The following TMOD3 variants were observed in gnomAD, a reference collection of about 807,000 sequenced individuals.
The protein encoded by TMOD3 is tropomodulin 3, also known as tropomodulin-3.
Under a neutral mutation model 39.2 loss-of-function variants are expected in TMOD3, and 20 were observed. The ratio of observed to expected loss-of-function variants is 0.51; its 90% confidence interval spans 0.36 to 0.74. The LOEUF is 0.74. Ranked by LOEUF, TMOD3 falls within the 30% of genes least tolerant of loss-of-function variation. The pLI is 0.00. For synonymous variants in TMOD3, 143 were observed against 145.8 expected (o/e 0.98, Z 0.14); for missense variants, 381 against 412.8 (o/e 0.92, Z 0.67).
At chr15:51,881,550 CTTTTTTTTT>C (rs753814979) in intron 3 of TMOD3, among the ~76,000 whole-genome samples, 4 of 61,838 alleles carry the variant, frequency 6.5e-5, no homozygotes, top group African/African-American at 1.4e-4. Context: ...TTCTTTATTT[CTTTTTTTTT>C]TTTTTTTTTT....
chr15:51,863,211 A>G (rs923358719), intron 2 of TMOD3, among the ~76,000 whole-genome samples: 3 of 152,160 alleles, frequency 2.0e-5, no homozygotes, highest in Admixed American at 6.5e-5. Context: ...GTCCTAAACT[A>G]CTTCAGTATC....
chr15:51,889,286 C>A, intron 5 of TMOD3, 141 bp downstream of exon 5: 2 of 580,956 alleles, frequency 3.4e-6, no homozygotes, highest in Non-Finnish European at 6.1e-6. Context: ...TGGTATTAAC[C>A]AAGAAAGCCA....
chr15:51,906,552 A>G (rs1278848997), intron 9 of TMOD3, among the ~76,000 whole-genome samples: 1 of 152,218 alleles, frequency 6.6e-6, no homozygotes, highest in Non-Finnish European at 1.5e-5. Flanking sequence ...TTTGAGTCTC[A>G]CATTACTATC....
chr15:51,871,189 T>C (rs1263255212), intron 3 of TMOD3, among the ~76,000 whole-genome samples: 2 of 152,158 alleles, frequency 1.3e-5, no homozygotes, highest in Non-Finnish European at 2.9e-5. Flanking sequence ...CCCTCAGGTG[T>C]TTGGGGCCAG....
chr15:51,884,698 G>C (rs1376781822), intron 3 of TMOD3: 1 of 152,032 alleles, frequency 6.6e-6, no homozygotes, highest in East Asian at 1.9e-4. Context: ...TCCTGTTCTG[G>C]CTTTATTGTG....
intron 3 of TMOD3, among the ~76,000 whole-genome samples, chr15:51,873,637 T>G (rs778839769): frequency 5.9e-5 from 9 of 152,188 alleles, no homozygotes; most frequent in Non-Finnish European, 2.9e-5. Context: ...CTTTCCAAAT[T>G]ATATGCCAAA....
chr15:51,908,683 C>G, intron 9 of TMOD3, 93 bp from the exon 10 acceptor site: 1 of 798,600 alleles, frequency 1.3e-6, no homozygotes, highest in South Asian at 2.3e-5. Context: ...AAACTTATAA[C>G]TGGATTATGC....
intron 9 of TMOD3, among the ~76,000 whole-genome samples, chr15:51,904,422 A>C (rs542333855): frequency 6.6e-6 from 1 of 152,308 alleles, no homozygotes; most frequent in South Asian, 2.1e-4. Flanking sequence ...TAAGTGAATA[A>C]ATAAGTGGTA....
intron 9 of TMOD3, among the ~76,000 whole-genome samples, chr15:51,906,517 G>A (rs2056681554): frequency 6.6e-6 from 1 of 152,118 alleles, no homozygotes; most frequent in South Asian, 2.1e-4. Context: ...AGGTTCTATG[G>A]TATACATGCA....
chr15:51,855,152 C>G (rs1385606688), intron 1 of TMOD3, among the ~76,000 whole-genome samples: 1 of 152,204 alleles, frequency 6.6e-6, no homozygotes, highest in Non-Finnish European at 1.5e-5. Context: ...CCTTCGAAGA[C>G]TTTTGAGTTA....
At chr15:51,869,761 T>G (rs1490215877) in intron 3 of TMOD3, among the ~76,000 whole-genome samples, 6 of 152,224 alleles carry the variant, frequency 3.9e-5, no homozygotes, top group African/African-American at 7.2e-5. Flanking sequence ...TGCCATATTT[T>G]CAAAGACCCT....
chr15:51,891,511 T>C (rs2056593406), intron 5 of TMOD3, among the ~76,000 whole-genome samples: 1 of 152,110 alleles, frequency 6.6e-6, no homozygotes, highest in South Asian at 2.1e-4. Flanking sequence ...GGGAATGAGA[T>C]TGATCACAGG....
At chr15:51,859,113 T>C (rs2056403182) in intron 1 of TMOD3, 1 of 563,848 alleles carries the variant, frequency 1.8e-6, no homozygotes, top group Non-Finnish European at 3.3e-6. Context: ...ATTACAAAAA[T>C]GGACTCATAA....
chr15:51,836,734 AAAGAAAAAAG>A (rs1161859491), intron 1 of TMOD3, among the ~76,000 whole-genome samples: 1 of 53,012 alleles, frequency 1.9e-5, no homozygotes, highest in Non-Finnish European at 3.8e-5. Context: ...AAAAAAAAAA[AAAGAAAAAAG>A]AAAAAAGAAA....
chr15:51,887,298 C>T (rs1030839793), intron 3 of TMOD3, among the ~76,000 whole-genome samples: 3 of 133,728 alleles, frequency 2.2e-5, no homozygotes, highest in African/African-American at 8.3e-5. Flanking sequence ...TTTGTTTATT[C>T]CTTCATTTAT....
chr15:51,887,760 G>A (rs1389770325), intron 4 of TMOD3, 49 bp downstream of exon 4: 3 of 1,610,590 alleles, frequency 1.9e-6, no homozygotes, highest in Non-Finnish European at 2.5e-6. Context: ...GGTGGAGTGG[G>A]AAATACCAGC....
intron 5 of TMOD3, among the ~76,000 whole-genome samples, chr15:51,892,848 C>T (rs1389890104): frequency 1.8e-4 from 28 of 152,168 alleles, no homozygotes; most frequent in Non-Finnish European, 1.2e-4. Context: ...GCATCATCAA[C>T]TTGTGCTATC....
Position 51,887,603 on chromosome 15 carries a change from C to T in TMOD3, c.298C>T (p.Pro100Ser). The T allele has an allele frequency of 1.9e-6, 3 of 1,611,190 alleles. No homozygotes were observed. The highest frequency in any genetic ancestry group is 1.7e-6 in the Non-Finnish European group (2 of 1,179,272). ...TTATTTTACAGGGAAAATATTTATC[C>T]CCAAACAGAAACCTGTACAGACTTT... The part of the protein sequence containing the change: ...TGEKKGKIFI[P>S]KQKPVQTFTE... The change falls in exon 4 of 10, where the codon CCC becomes TCC. Residue 100 changes from proline (P) to serine (S), a missense_variant. Transcript: ENST00000308580.
At chr15:51,891,094 C>T (rs889318628) in intron 5 of TMOD3, among the ~76,000 whole-genome samples, 1 of 152,104 alleles carries the variant, frequency 6.6e-6, no homozygotes, top group Non-Finnish European at 1.5e-5. Flanking sequence ...TTCTTCATAT[C>T]ATGTAATACC....
Sources: allele counts gnomAD v4.1 joint callset (sites outside exome capture counted in the v4.1 genomes callset), GRCh38; gene constraint gnomAD v4.1.1; transcripts MANE v1.5; gene names NCBI Gene and HGNC (gene_info 2026-07-23, HGNC 2026-07-21).